The following MCHR2 variants were observed in gnomAD, a reference collection of about 807,000 sequenced individuals.
MCHR2 encodes the protein melanin-concentrating hormone receptor 2.
Under a neutral mutation model 24.8 loss-of-function variants are expected in MCHR2, and 15 were observed. That is an observed-to-expected ratio of 0.60 (90% CI 0.40 to 0.93). The LOEUF (loss-of-function observed/expected upper bound fraction) is 0.93, where lower values mean the gene tolerates loss of function less well. Among genes scored for constraint, MCHR2 ranks in the 40% least tolerant of loss-of-function variants. MCHR2 has a pLI of 0.00. For missense variants in MCHR2, 386 were observed against 408.7 expected, an observed-to-expected ratio of 0.94 and a Z score of 0.48; for synonymous variants, 151 against 147.6, an observed-to-expected ratio of 1.02 and a Z score of -0.17.
chr6:99,989,511 G>A (rs1775828729), intron 1 of MCHR2, among the ~76,000 whole-genome samples: 1 of 152,136 alleles, frequency 6.6e-6, no homozygotes, highest in Non-Finnish European at 1.5e-5. Context: ...GTAAGTGAGT[G>A]GTAGGGCCAA....
chr6:99,928,628 G>A (rs188524276), intron 5 of MCHR2, among the ~76,000 whole-genome samples: 275 of 152,280 alleles, frequency 1.8e-3, no homozygotes, highest in Non-Finnish European at 3.3e-3. Flanking sequence ...TTTGCGTAGA[G>A]GTGTTGGTAG....
intron 1 of MCHR2, among the ~76,000 whole-genome samples, chr6:99,969,666 C>G (rs996932040): frequency 6.6e-6 from 1 of 150,784 alleles, no homozygotes; most frequent in Non-Finnish European, 1.5e-5. Context: ...GTGCTGCACC[C>G]ATTAACTCGT....
chr6:99,971,468 A>G (rs1775418306), intron 1 of MCHR2, among the ~76,000 whole-genome samples: 1 of 152,246 alleles, frequency 6.6e-6, no homozygotes, highest in East Asian at 1.9e-4. Flanking sequence ...GGGCTGAGAC[A>G]TTGGGGTTTT....
intron 1 of MCHR2, among the ~76,000 whole-genome samples, chr6:99,988,663 T>C (rs1421272005): frequency 6.6e-6 from 1 of 151,764 alleles, no homozygotes; most frequent in Non-Finnish European, 1.5e-5. Flanking sequence ...AAAAACGAGA[T>C]AATCAATCAA....
At chr6:99,928,722 C>T (rs1014055852) in intron 5 of MCHR2, among the ~76,000 whole-genome samples, 1 of 152,070 alleles carries the variant, frequency 6.6e-6, no homozygotes, top group African/African-American at 2.4e-5. Context: ...TTTGATTCTT[C>T]TCTCTTTTCT....
At chr6:99,955,838 A>T (rs1043903869) in intron 2 of MCHR2, 128 bp downstream of exon 2, 4 of 739,954 alleles carry the variant, frequency 5.4e-6, no homozygotes, top group Non-Finnish European at 7.9e-6. Flanking sequence ...TAATTATCTT[A>T]AGCAAATATT....
At chr6:99,922,157 A>C (rs570323206) in intron 5 of MCHR2, among the ~76,000 whole-genome samples, 3 of 142,386 alleles carry the variant, frequency 2.1e-5, no homozygotes, top group East Asian at 4.2e-4. Context: ...CCCAGACTGG[A>C]GTGCAGTGGC....
chr6:99,969,404 G>C lies in MCHR2; in HGVS notation c.-27-13230C>G, dbSNP rs549920918. 9.4e-5 allele frequency among the ~76,000 whole-genome samples: 14 copies of C among 148,246 alleles called. 1 individual carries two copies. In the South Asian group the frequency reaches 2.8e-3, roughly 30 times the overall value. On this transcript the variant is annotated intron_variant, in intron 1 of 5. Transcript: ENST00000281806. ...CAGCAGAATTGCTTGAACTCAGGAG[G>C]TGGAGGTTGCAGTGAGCCAAGATCA... is the stretch of plus-strand genomic sequence containing the variant.
chr6:99,955,956 C>A lies in MCHR2; in HGVS notation c.182+10G>T. The A allele has an allele frequency of 2.0e-6, 3 of 1,498,402 alleles. No homozygotes were observed. The highest frequency in any genetic ancestry group is 1.4e-5 in the African/African-American group (1 of 69,714). The allele number at this position is 1,498,402 out of a possible 1,614,324, so 92.8% of individuals were successfully genotyped here. On this transcript the variant is annotated intron_variant, in intron 2 of 5. Coordinates refer to ENST00000281806, the MANE Select transcript of MCHR2 (RefSeq NM_001040179.2). ...GGAAGGAAAAAAAAAAAAAAGGAGC[C>A]ATTCCTTACCTTATTATAGTGAATA... is the stretch of plus-strand genomic sequence containing the variant.
intron 2 of MCHR2, among the ~76,000 whole-genome samples, chr6:99,948,663 G>T (rs1774917996): frequency 6.6e-6 from 1 of 152,104 alleles, no homozygotes; most frequent in African/African-American, 2.4e-5. Context: ...TATGTTTGGG[G>T]TAATTTTTTA....
chr6:99,959,832 AT>A (rs1363862196), intron 1 of MCHR2, among the ~76,000 whole-genome samples: 1 of 148,934 alleles, frequency 6.7e-6, no homozygotes, highest in Non-Finnish European at 1.5e-5. Context: ...AATAATAATA[AT>A]GATAATAATA....
chr6:99,929,354 C>A (rs1366393576), intron 5 of MCHR2, among the ~76,000 whole-genome samples: 1 of 152,050 alleles, frequency 6.6e-6, no homozygotes, highest in Non-Finnish European at 1.5e-5. Context: ...TCTATTAGGT[C>A]TGCTTGGTGC....
intron 2 of MCHR2, among the ~76,000 whole-genome samples, chr6:99,950,494 T>C (rs2114533321): frequency 6.6e-6 from 1 of 152,242 alleles, no homozygotes; most frequent in Admixed American, 6.5e-5. Flanking sequence ...TATCTAATAC[T>C]CATTAATTTG....
rs181853140 is a variant in MCHR2, at chr6:99,952,486, A to T, written c.182+3480T>A. 9.9e-5 allele frequency among the ~76,000 whole-genome samples: 15 copies of T among 152,212 alleles called. No homozygotes were observed. In the East Asian group the frequency reaches 2.9e-3, roughly 29 times the overall value. On this transcript the variant is annotated intron_variant, in intron 2 of 5. Transcript: ENST00000281806. ...GTTCTATTGATGAACAATGGTTTTG[A>T]TACAATTACTACTGTAAAAGGAAAA...
chr6:99,932,181 T>C (rs1774559257), intron 5 of MCHR2, among the ~76,000 whole-genome samples: 1 of 152,212 alleles, frequency 6.6e-6, no homozygotes. Context: ...AAATATGTTA[T>C]GCCACTCTCT....
chr6:99,943,253 G>T, intron 3 of MCHR2, 110 bp from the exon 4 acceptor site: 1 of 624,056 alleles, frequency 1.6e-6, no homozygotes, highest in Non-Finnish European at 2.5e-6. Context: ...CCTTTCTGAA[G>T]CACACCTCTA....
chr6:99,989,322 A>G (rs1271409226), intron 1 of MCHR2, among the ~76,000 whole-genome samples: 1 of 152,218 alleles, frequency 6.6e-6, no homozygotes, highest in African/African-American at 2.4e-5. Flanking sequence ...GAGGTAAAGT[A>G]CCAATTTTAA....
intron 1 of MCHR2, among the ~76,000 whole-genome samples, chr6:99,970,704 G>T (rs1322926809): frequency 1.3e-5 from 2 of 152,028 alleles, no homozygotes; most frequent in Admixed American, 1.3e-4. Flanking sequence ...GGTCTAACAT[G>T]TAAGTCTTTG....
intron 4 of MCHR2, among the ~76,000 whole-genome samples, chr6:99,941,098 G>T (rs971605493): frequency 1.3e-5 from 2 of 151,976 alleles, no homozygotes; most frequent in African/African-American, 4.8e-5. Context: ...TGGGAAAGCT[G>T]GTTGTCTACC....
Sources: gnomAD v4.1 joint callset for allele counts (sites outside exome capture counted in the v4.1 genomes callset) on GRCh38, gnomAD v4.1.1 for gene constraint, MANE v1.5 for transcripts, NCBI Gene and HGNC (gene_info 2026-07-23, HGNC 2026-07-21) for gene names.